Variants in RIPOR3 observed in about 807,000 individuals in gnomAD.
RIPOR3 encodes RIPOR family member 3, also known as family with sequence similarity 65 member C.
A neutral mutation model predicts 114.3 loss-of-function variants in RIPOR3; 95 were observed. That is an observed-to-expected ratio of 0.83 (90% CI 0.70 to 0.99). RIPOR3 has a LOEUF of 0.99. RIPOR3 is among the 50% of genes least tolerant of loss of function. RIPOR3 has a pLI of 0.00. For missense variants in RIPOR3, 1,252 were observed against 1,266.9 expected, an observed-to-expected ratio of 0.99 and a Z score of 0.18; for synonymous variants, 575 against 543.8, an observed-to-expected ratio of 1.06 and a Z score of -0.80.
In RIPOR3 at chr20:50,609,671, C is replaced by T. The variant is rs779928609; in HGVS notation, c.478G>A (p.Ala160Thr). Residue 160 changes from alanine (A) to threonine (T), a missense_variant, in exon 7 of 22, where the codon GCC (alanine) becomes ACC (threonine). Physicochemically the swap from Ala to Thr is moderately conservative, Grantham distance 58 (BLOSUM62 0). Coordinates refer to ENST00000327979, the MANE Select transcript of RIPOR3 (RefSeq NM_001290268.2). ...GCGAAGGCCCGCTGCATGCTGGAGG[C>T]GCCGTCGCGCAGGCGGCACTGGATG... ...YCIQCRLRDG[A>T]SSMQRAFARC... is the part of the protein sequence containing the mutation. The T allele has an allele frequency of 6.8e-5, 95 of 1,391,368 alleles. No individual in the cohort carries two copies. The highest frequency in any genetic ancestry group is 3.8e-4 in the Middle Eastern group (2 of 5,328). 86.2% of individuals were successfully genotyped at this position (1,391,368 alleles called of 1,614,324 possible).
At chr20:50,641,586 C>G (rs1446058940) in intron 1 of RIPOR3, among the ~76,000 whole-genome samples, 1 of 152,270 alleles carries the variant, frequency 6.6e-6, no homozygotes, top group East Asian at 1.9e-4. Context: ...CCAAGATGCT[C>G]GGTGCCCAGG....
chr20:50,594,455 CAG>C (rs978124455), intron 17 of RIPOR3, 96 bp downstream of exon 17: 102 of 1,390,270 alleles, frequency 7.3e-5, no homozygotes, highest in African/African-American at 3.2e-4. Context: ...GAGGTGAAGA[CAG>C]GGCTGAAATG....
chr20:50,647,418 C>A (rs1218786009), intron 1 of RIPOR3, among the ~76,000 whole-genome samples: 1 of 151,368 alleles, frequency 6.6e-6, no homozygotes, highest in African/African-American at 2.4e-5. Flanking sequence ...CAGACTGACA[C>A]AGAGGTGAGC....
At position 50,609,644 on chromosome 20, in the gene RIPOR3, G is replaced by A. The variant is rs774601813; in HGVS notation, c.505C>T (p.Arg169Trp). ...GASSMQRAFARCPPSRAARES... is the reference protein window; with the variant it reads ...GASSMQRAFAWCPPSRAARES... ...CGGGCTGCGCGGCTCGGGGGGCACC[G>A]GGCGAAGGCCCGCTGCATGCTGGAG... Residue 169 changes from arginine (R) to tryptophan (W), a missense_variant, in exon 7 of 22, where the codon CGG (arginine) becomes TGG (tryptophan). Arg to Trp is a moderately radical substitution (Grantham distance 101, BLOSUM62 -3). Coordinates refer to ENST00000327979, the MANE Select transcript of RIPOR3 (RefSeq NM_001290268.2). The A allele has an allele frequency of 2.4e-5, 34 of 1,398,832 alleles. No individual in the cohort carries two copies. The highest frequency in any genetic ancestry group is 2.8e-5 in the East Asian group (1 of 35,310). The allele number at this position is 1,398,832 out of a possible 1,614,324, so 86.7% of individuals were successfully genotyped here.
In RIPOR3 at chr20:50,607,319, G is replaced by A. The variant is rs188296899; in HGVS notation, c.956+1070C>T. 2.1e-4 allele frequency among the ~76,000 whole-genome samples: 32 copies of A among 152,340 alleles called. No individual in the cohort carries two copies. In the East Asian group the frequency reaches 4.6e-3, roughly 22 times the overall value. ...GGGAAGGGTGGGAATCCAGGCGAGC[G>A]CATGGGAGCACCGAGGCAAGTGATG... On this transcript the variant is annotated intron_variant, in intron 11 of 21. Coordinates refer to ENST00000327979, the MANE Select transcript of RIPOR3 (RefSeq NM_001290268.2).
chr20:50,655,374 C>A (rs1211937388), intron 1 of RIPOR3, among the ~76,000 whole-genome samples: 3 of 152,188 alleles, frequency 2.0e-5, no homozygotes, highest in African/African-American at 4.8e-5. Flanking sequence ...CCCTGCCCAG[C>A]GCCCCAGGGC....
At chr20:50,666,253 CAG>C (rs2086240636) in intron 1 of RIPOR3, among the ~76,000 whole-genome samples, 2 of 53,378 alleles carry the variant, frequency 3.7e-5, no homozygotes, top group Non-Finnish European at 9.1e-5. Context: ...CTCTGTTGCC[CAG>C]AGTCACGCTC....
chr20:50,614,582 T>G (rs2084094374), intron 4 of RIPOR3: 1 of 170,392 alleles, frequency 5.9e-6, no homozygotes, highest in Non-Finnish European at 1.5e-5. Flanking sequence ...AAGATCCTCC[T>G]GCTGAAAGGA....
intron 11 of RIPOR3, among the ~76,000 whole-genome samples, chr20:50,605,726 C>T (rs1240325018): frequency 1.3e-5 from 2 of 150,818 alleles, no homozygotes; most frequent in East Asian, 1.9e-4. Flanking sequence ...TGCAGTGAGC[C>T]GAGATCATGC....
chr20:50,596,457 G>A (rs1025546671), intron 14 of RIPOR3, among the ~76,000 whole-genome samples, 194 bp from the exon 15 acceptor site: 1 of 152,230 alleles, frequency 6.6e-6, no homozygotes, highest in Non-Finnish European at 1.5e-5. Context: ...GTGTGGCCAA[G>A]GGCCTGGGGA....
chr20:50,614,520 G>A (rs896919583), intron 4 of RIPOR3: 3 of 169,380 alleles, frequency 1.8e-5, no homozygotes, highest in African/African-American at 7.2e-5. Flanking sequence ...ATTCATTAAG[G>A]ACATGTGGGG....
intron 1 of RIPOR3, among the ~76,000 whole-genome samples, chr20:50,661,820 C>T (rs1432007857): frequency 6.6e-6 from 1 of 152,190 alleles, no homozygotes; most frequent in Non-Finnish European, 1.5e-5. Flanking sequence ...GGGTCCCGCG[C>T]AGGACAGCTG....
chr20:50,590,067 T>TG lies in RIPOR3; in HGVS notation c.2578-299_2578-298insC, dbSNP rs2122856858. The TG allele has an allele frequency of 9.4e-6, 3 of 318,680 alleles. No individual in the cohort carries two copies. The East Asian group carries it at 2.1e-4, about 22-fold the overall frequency. The allele number at this position is 318,680 out of a possible 1,614,324, so 19.7% of individuals were successfully genotyped here. ...AAACTGCTGTCTATAAAATGCTGAA[T>TG]CAGAGAAATCAGATGCCCAGCTCAG... On this transcript the variant is annotated intron_variant, in intron 19 of 21. Transcript: ENST00000327979.
chr20:50,615,751 T>C (rs905859469), intron 4 of RIPOR3, among the ~76,000 whole-genome samples: 2 of 152,056 alleles, frequency 1.3e-5, no homozygotes, highest in Non-Finnish European at 2.9e-5. Context: ...CTAAAAGAAA[T>C]GCACCTCCAT....
intron 1 of RIPOR3, among the ~76,000 whole-genome samples, chr20:50,637,874 C>A (rs1407704095): frequency 2.0e-5 from 3 of 150,672 alleles, no homozygotes; most frequent in African/African-American, 7.3e-5. Flanking sequence ...GACTTCGTCT[C>A]AAAAAAAAAT....
At chr20:50,601,275 A>G (rs1219554277) in intron 13 of RIPOR3, among the ~76,000 whole-genome samples, 6 of 152,140 alleles carry the variant, frequency 3.9e-5, no homozygotes, top group African/African-American at 1.4e-4. Flanking sequence ...CTCTACTAAA[A>G]ATACAAAAAT....
chr20:50,598,065 AG>A (rs2083362251), intron 13 of RIPOR3, among the ~76,000 whole-genome samples: 1 of 152,230 alleles, frequency 6.6e-6, no homozygotes, highest in Non-Finnish European at 1.5e-5. Context: ...CTCCCCTAAG[AG>A]GGGGCCACGC....
intron 16 of RIPOR3, 196 bp from the exon 17 acceptor site, chr20:50,594,910 T>C: frequency 3.5e-6 from 2 of 577,488 alleles, no homozygotes; most frequent in Non-Finnish European, 6.1e-6. Context: ...GGCCACCACC[T>C]GCAGTCCCCA....
chr20:50,596,012 T>C, intron 15 of RIPOR3, 128 bp downstream of exon 15: 2 of 1,344,066 alleles, frequency 1.5e-6, no homozygotes, highest in East Asian at 4.7e-5. Context: ...ATAGCTTCAG[T>C]CTCACGGGCT....
Sources: gnomAD v4.1 joint callset for allele counts (sites outside exome capture counted in the v4.1 genomes callset) on GRCh38, gnomAD v4.1.1 for gene constraint, MANE v1.5 for transcripts, NCBI Gene and HGNC (gene_info 2026-07-23, HGNC 2026-07-21) for gene names.